The following NTRK2 variants were observed in gnomAD, a reference collection of about 807,000 sequenced individuals.
NTRK2 encodes BDNF/NT-3 growth factors receptor.
In NTRK2, 13 loss-of-function variants were observed where a neutral mutation model predicts 94.5. The observed-to-expected ratio is 0.14, with a 90% CI of 0.09 to 0.22. NTRK2 has a LOEUF of 0.22. Ranked by LOEUF, NTRK2 falls within the 10% of genes least tolerant of loss-of-function variation. The pLI is 1.00. For synonymous variants in NTRK2, 372 were observed against 407.4 expected (o/e 0.91, Z 1.05); for missense variants, 639 against 1,071.2 (o/e 0.60, Z 5.63).
Position 85,019,365 on chromosome 9 carries a change from G to C in NTRK2, c.2173-841G>C, listed in dbSNP as rs541440614. On this transcript the variant is annotated intron_variant, in intron 17 of 18. Transcript: ENST00000277120. ...CCTACCGCCACAGGACTACTGTGCA[G>C]AAATCTGTTCATGGGTTTGAAATCG... Among the ~76,000 whole-genome samples the C allele has an allele frequency of 8.3e-4, 126 of 152,288 alleles. 2 individuals carry two copies. In the South Asian group the frequency reaches 0.025, roughly 30 times the overall value.
chr9:84,713,313 A>G (rs147740168), intron 6 of NTRK2, among the ~76,000 whole-genome samples: 1 of 152,094 alleles, frequency 6.6e-6, no homozygotes, highest in Non-Finnish European at 1.5e-5. Flanking sequence ...TTCTCTTTTT[A>G]AAAAAGTCTA....
intron 6 of NTRK2, among the ~76,000 whole-genome samples, chr9:84,712,701 T>C (rs1588113893): frequency 6.6e-6 from 1 of 152,368 alleles, no homozygotes; most frequent in East Asian, 1.9e-4. Context: ...ATTATATTGA[T>C]ATGTCTTGTT....
At chr9:84,767,312 T>C (rs549045232) in intron 12 of NTRK2, among the ~76,000 whole-genome samples, 1 of 152,348 alleles carries the variant, frequency 6.6e-6, no homozygotes, top group East Asian at 1.9e-4. Context: ...CTCCTCACAA[T>C]GGTTAAACAT....
intron 2 of NTRK2, among the ~76,000 whole-genome samples, chr9:84,686,678 A>C (rs905421675): frequency 3.3e-5 from 5 of 152,230 alleles, no homozygotes; most frequent in Non-Finnish European, 5.9e-5. Context: ...ACCATCTGAT[A>C]CATATACTTT....
chr9:84,670,710 C>A lies in NTRK2; in HGVS notation c.-39C>A. 2 of 1,599,978 alleles carry A rather than the reference C, an allele frequency of 1.3e-6. No individual in the cohort carries two copies. The highest frequency in any genetic ancestry group is 1.7e-6 in the Non-Finnish European group (2 of 1,172,400). On this transcript the variant is annotated 5_prime_UTR_variant, in exon 2 of 19. Transcript: ENST00000277120. ...GGGTGGGGGAAAGCGGCCGGTGCAG[C>A]GCGGGGACAGGCACTCGGGCTGGCA...
At chr9:85,006,130 A>C (rs1386659483) in intron 17 of NTRK2, among the ~76,000 whole-genome samples, 1 of 152,200 alleles carries the variant, frequency 6.6e-6, no homozygotes, top group African/African-American at 2.4e-5. Flanking sequence ...AGAAACCTAT[A>C]CTTTTTGCAA....
At chr9:84,902,817 A>G (rs2076970452) in intron 14 of NTRK2, among the ~76,000 whole-genome samples, 1 of 151,950 alleles carries the variant, frequency 6.6e-6, no homozygotes, top group Non-Finnish European at 1.5e-5. Flanking sequence ...GCTTCTATGA[A>G]CTCCATGATT....
chr9:84,993,521 G>A (rs1392104587), intron 17 of NTRK2, among the ~76,000 whole-genome samples: 1 of 152,214 alleles, frequency 6.6e-6, no homozygotes, highest in Non-Finnish European at 1.5e-5. Flanking sequence ...CTGGGCAGCA[G>A]TATCAGCCTG....
chr9:84,863,708 C>A (rs572600393), intron 13 of NTRK2, among the ~76,000 whole-genome samples: 96 of 152,294 alleles, frequency 6.3e-4, no homozygotes, highest in African/African-American at 2.1e-3. Context: ...AACCCTGCAA[C>A]CTTGCCAGCC....
chr9:84,905,278 GT>G (rs199576000), intron 14 of NTRK2, among the ~76,000 whole-genome samples: 537 of 8,768 alleles, frequency 0.061, 12 homozygotes, highest in East Asian at 0.39. Flanking sequence ...TTTAGAGGGT[GT>G]GTGTGTGTGT....
chr9:84,871,463 A>G (rs2075863281), intron 14 of NTRK2, among the ~76,000 whole-genome samples: 1 of 152,248 alleles, frequency 6.6e-6, no homozygotes, highest in South Asian at 2.1e-4. Flanking sequence ...TGAAGGATCA[A>G]TGAATAAAAA....
At chr9:84,935,301 G>T (rs556353987) in intron 15 of NTRK2, among the ~76,000 whole-genome samples, 1 of 152,228 alleles carries the variant, frequency 6.6e-6, no homozygotes, top group East Asian at 1.9e-4. Flanking sequence ...AGAAAATCAG[G>T]AGTCTATTCC....
At chr9:84,742,308 G>A (rs2063708149) in intron 10 of NTRK2, among the ~76,000 whole-genome samples, 1 of 152,208 alleles carries the variant, frequency 6.6e-6, no homozygotes, top group South Asian at 2.1e-4. Flanking sequence ...CTTGTGTAAT[G>A]AAGGTGTTTG....
chr9:84,833,499 G>GGGAA (rs1014376287), intron 12 of NTRK2, among the ~76,000 whole-genome samples: 3 of 148,270 alleles, frequency 2.0e-5, no homozygotes, highest in Admixed American at 1.4e-4. Context: ...GAAAGAAAGA[G>GGGAA]GGAAGGAAGG....
At chr9:84,831,664 G>A (rs1465380615) in intron 12 of NTRK2, among the ~76,000 whole-genome samples, 2 of 152,188 alleles carry the variant, frequency 1.3e-5, no homozygotes, top group African/African-American at 2.4e-5. Flanking sequence ...TCGAGGTGAC[G>A]GAGCTAATAA....
At chr9:84,682,817 G>T (rs911887069) in intron 2 of NTRK2, among the ~76,000 whole-genome samples, 2 of 152,174 alleles carry the variant, frequency 1.3e-5, no homozygotes, top group African/African-American at 4.8e-5. Flanking sequence ...ACTTGACGAT[G>T]TATCTTAAAA....
At chr9:84,700,914 C>G (rs1056780246) in intron 2 of NTRK2, among the ~76,000 whole-genome samples, 4 of 152,190 alleles carry the variant, frequency 2.6e-5, no homozygotes, top group Non-Finnish European at 4.4e-5. Context: ...ATCTGTCCAT[C>G]CATCCGTCCA....
rs1323078315 is a variant in NTRK2 at position 84,669,862 on chromosome 9, CG to C, written c.-397del. 1 of 152,466 alleles carries C rather than the reference CG, an allele frequency of 6.6e-6. No individual in the cohort carries two copies. Among genetic ancestry groups the C allele is most frequent in the African/African-American group, 2.4e-5 (1 of 41,444 alleles). 9.4% of individuals were successfully genotyped at this position (152,466 alleles called of 1,614,324 possible). A position where few individuals can be genotyped will look rare whatever the true frequency, so the allele number is the denominator to read the frequency against. On this transcript the variant is annotated 5_prime_UTR_variant, in exon 1 of 19. Coordinates refer to ENST00000277120, the MANE Select transcript of NTRK2 (RefSeq NM_006180.6). This position sits in a 1 kb window ranked among gnomAD's most constrained non-coding sequence, Gnocchi z 4.1. Reference sequence around the variant, plus strand: ...GCAGGAGCCTGGACCCAGGCGCCGCCGGCGGGCGTGAGGCGCCGGAGCCCGG... The same window carrying C: ...GCAGGAGCCTGGACCCAGGCGCCGCCGCGGGCGTGAGGCGCCGGAGCCCGG...
intron 17 of NTRK2, among the ~76,000 whole-genome samples, chr9:84,983,366 T>A (rs1243268691): frequency 6.6e-6 from 1 of 152,182 alleles, no homozygotes; most frequent in Non-Finnish European, 1.5e-5. Flanking sequence ...TTGGAAATCA[T>A]CTTGAAGGAC....
Sources: allele counts gnomAD v4.1 joint callset (sites outside exome capture counted in the v4.1 genomes callset), GRCh38; gene constraint gnomAD v4.1.1; non-coding constraint Gnocchi (gnomAD v3.1); transcripts MANE v1.5; gene names NCBI Gene and HGNC (gene_info 2026-07-23, HGNC 2026-07-21).